LRRC53: variants seen among roughly 807,000 people sequenced by gnomAD.
LRRC53 encodes the protein leucine rich repeat containing 53, also known as leucine-rich repeat-containing protein 53.
LRRC53 carries 25 observed loss-of-function variants against 13.6 expected under a neutral mutation model. The ratio of observed to expected loss-of-function variants is 1.83; its 90% confidence interval spans 1.34 to 2.56. The LOEUF (loss-of-function observed/expected upper bound fraction) is 2.56, where lower values mean the gene tolerates loss of function less well. Among genes scored for constraint, LRRC53 ranks in the 30% most tolerant of loss-of-function variants. LRRC53 has a pLI of 0.00. For synonymous variants in LRRC53, 204 were observed against 109.8 expected (o/e 1.86, Z -5.37); for missense variants, 527 against 275.8 (o/e 1.91, Z -6.45).
chr1:74,511,593 A>G (rs6690871), intron 1 of LRRC53, among the ~76,000 whole-genome samples: 66,459 of 151,864 alleles, frequency 0.44, 15,055 homozygotes, highest in East Asian at 0.79. Flanking sequence ...CAGCTCTTAT[A>G]TATTGAATCA....
At chr1:74,501,820 T>C (rs1669648507) in intron 1 of LRRC53, among the ~76,000 whole-genome samples, 1 of 152,104 alleles carries the variant, frequency 6.6e-6, no homozygotes, top group African/African-American at 2.4e-5. Context: ...CGTGTAGTAA[T>C]AATTCTGCTT....
At chr1:74,526,381 T>C in the LRRC53 span, among the ~76,000 whole-genome samples, 1 of 152,274 alleles carries the variant, frequency 6.6e-6, no homozygotes, top group East Asian at 1.9e-4. Context: ...TTTTTATTTA[T>C]GTAACTACCC....
chr1:74,536,893 C>T, the LRRC53 span, among the ~76,000 whole-genome samples: 1 of 152,116 alleles, frequency 6.6e-6, no homozygotes, highest in East Asian at 1.9e-4. Flanking sequence ...AAATAGAGGT[C>T]CTGATGAATC....
chr1:74,470,023 G>A lies in LRRC53; in HGVS notation c.3599C>T (p.Pro1200Leu), dbSNP rs1667847944. The A allele has an allele frequency of 2.5e-6, 1 of 400,530 alleles. No individual in the cohort carries two copies. Among genetic ancestry groups the A allele is most frequent in the Admixed American group, 4.4e-5 (1 of 22,710 alleles). 24.8% of individuals were successfully genotyped at this position (400,530 alleles called of 1,614,324 possible). A position where few individuals can be genotyped will look rare whatever the true frequency, so the allele number is the denominator to read the frequency against. The change falls in exon 5 of 5, where the codon CCA becomes CTA. Residue 1200 changes from proline (P) to leucine (L), a missense_variant. By Grantham distance (98) the Pro-to-Leu change is moderately conservative. Coordinates refer to ENST00000294635, the MANE Select transcript of LRRC53 (RefSeq NM_001382280.1). ...VETHEALSFL[P>L]GLKDSFEAEN... The stretch of plus-strand genomic sequence containing the variant: ...TGCCTCAAAACTGTCTTTTAACCCT[G>A]GTAAGAAGGAAAGCGCTTCATGTGT...
the LRRC53 span, among the ~76,000 whole-genome samples, chr1:74,530,160 G>T: frequency 1.1e-4 from 16 of 152,264 alleles, no homozygotes; most frequent in African/African-American, 3.6e-4. Context: ...TTACCCCAGA[G>T]GGTAGGGTCT....
chr1:74,488,344 A>G (rs1339897613), intron 1 of LRRC53, among the ~76,000 whole-genome samples: 1 of 152,154 alleles, frequency 6.6e-6, no homozygotes, highest in Non-Finnish European at 1.5e-5. Context: ...CAGTGTTCTC[A>G]GGGGTGGGCT....
intron 1 of LRRC53, among the ~76,000 whole-genome samples, chr1:74,494,916 G>A (rs1006913542): frequency 2.6e-5 from 4 of 151,930 alleles, no homozygotes; most frequent in African/African-American, 7.3e-5. Context: ...TACAATACAC[G>A]GAGAGCTACA....
Position 74,473,494 on chromosome 1 carries a change from C to T in LRRC53, c.1421-1293G>A, listed in dbSNP as rs148384442. Among the ~76,000 whole-genome samples the T allele has an allele frequency of 8.0e-3, 1,214 of 150,820 alleles. 22 individuals carry two copies. The highest frequency in any genetic ancestry group is 0.029 in the African/African-American group (1,173 of 41,142). On this transcript the variant is annotated intron_variant, in intron 4 of 4. Transcript: ENST00000294635. ...TCTTAACTGCAAAACATCTTAACCG[C>T]AAAAAATCCTAACAGCACTATTGCT... is the stretch of plus-strand genomic sequence containing the variant.
At chr1:74,518,375 T>C in the LRRC53 span, among the ~76,000 whole-genome samples, 1 of 152,178 alleles carries the variant, frequency 6.6e-6, no homozygotes, top group Non-Finnish European at 1.5e-5. Flanking sequence ...TTTTTATTTA[T>C]GAGATTTCCA....
chr1:74,534,029 G>C, the LRRC53 span, among the ~76,000 whole-genome samples: 1 of 152,054 alleles, frequency 6.6e-6, no homozygotes, highest in Admixed American at 6.5e-5. Context: ...CCAAAACGCC[G>C]GTGAAATTAA....
chr1:74,533,134 CA>C, the LRRC53 span, among the ~76,000 whole-genome samples: 1 of 152,094 alleles, frequency 6.6e-6, no homozygotes, highest in South Asian at 2.1e-4. Flanking sequence ...AGGCAACCTA[CA>C]AAATGGGAGA....
chr1:74,500,687 A>T (rs866727859), intron 1 of LRRC53, among the ~76,000 whole-genome samples: 8 of 149,020 alleles, frequency 5.4e-5, no homozygotes, highest in Middle Eastern at 3.3e-3. Flanking sequence ...TGTTGGAAGT[A>T]AACAAATGAA....
the LRRC53 span, among the ~76,000 whole-genome samples, chr1:74,537,067 T>C: frequency 6.6e-6 from 1 of 152,314 alleles, no homozygotes; most frequent in South Asian, 2.1e-4. Context: ...AGCCAGCCTA[T>C]GTGGTATCTC....
At chr1:74,511,306 C>T (rs1168831897) in intron 1 of LRRC53, among the ~76,000 whole-genome samples, 1 of 152,078 alleles carries the variant, frequency 6.6e-6, no homozygotes, top group Non-Finnish European at 1.5e-5. Context: ...AATTCTCGTG[C>T]CTCAGGCTCC....
intron 1 of LRRC53, among the ~76,000 whole-genome samples, chr1:74,506,689 A>G (rs1057036028): frequency 3.3e-5 from 5 of 152,224 alleles, no homozygotes; most frequent in Non-Finnish European, 7.3e-5. Flanking sequence ...CATTTTAACA[A>G]GATTTTAACA....
the LRRC53 span, among the ~76,000 whole-genome samples, chr1:74,532,258 A>AT: frequency 1.3e-5 from 2 of 152,246 alleles, no homozygotes; most frequent in Middle Eastern, 3.4e-3. Context: ...GGAAAGTATC[A>AT]TTTTTTTAAA....
chr1:74,500,190 A>G (rs189248940), intron 1 of LRRC53, among the ~76,000 whole-genome samples: 41 of 152,130 alleles, frequency 2.7e-4, no homozygotes, highest in African/African-American at 9.4e-4. Flanking sequence ...TTTTATCTTC[A>G]TCAAGATTTT....
chr1:74,492,417 A>G (rs1361143009), intron 1 of LRRC53: 4 of 1,094,198 alleles, frequency 3.7e-6, no homozygotes, highest in Non-Finnish European at 4.8e-6. Context: ...TTACGTTATG[A>G]CTAAAAATTA....
upstream of LRRC53, among the ~76,000 whole-genome samples, chr1:74,513,888 C>T (rs892604616): frequency 1.3e-5 from 2 of 152,316 alleles, no homozygotes; most frequent in Admixed American, 6.5e-5. Flanking sequence ...ACAACCGCAT[C>T]TGCAAAGCTC....
Sources: gnomAD v4.1 joint callset for allele counts (sites outside exome capture counted in the v4.1 genomes callset) on GRCh38, gnomAD v4.1.1 for gene constraint, MANE v1.5 for transcripts, NCBI Gene and HGNC (gene_info 2026-07-23, HGNC 2026-07-21) for gene names.